The following GRAPL variants were observed in gnomAD, a reference collection of about 807,000 sequenced individuals.
GRAPL encodes the protein GRB2 related adaptor protein like.
intron 3 of GRAPL, among the ~76,000 whole-genome samples, chr17:19,149,817 C>T (rs2044724295): frequency 1.1e-5 from 1 of 93,326 alleles, no homozygotes. Flanking sequence ...TAATCCCAAT[C>T]CCAGCACTTT....
At chr17:19,151,882 C>CTTT (rs1203783656) in intron 3 of GRAPL, among the ~76,000 whole-genome samples, 21 of 62,544 alleles carry the variant, frequency 3.4e-4, no homozygotes, top group East Asian at 2.3e-3. Context: ...CGCCCAGGCT[C>CTTT]TTTTTTTTTT....
At chr17:19,149,348 A>C (rs2044720854) in intron 3 of GRAPL, among the ~76,000 whole-genome samples, 1 of 97,784 alleles carries the variant, frequency 1.0e-5, no homozygotes, top group African/African-American at 6.3e-5. Context: ...AAAAAAAAAA[A>C]AAAAAAAAGA....
intron 3 of GRAPL, among the ~76,000 whole-genome samples, chr17:19,149,934 C>T (rs1451610647): frequency 2.9e-5 from 1 of 34,866 alleles, no homozygotes; most frequent in Non-Finnish European, 3.9e-5. Flanking sequence ...ATTAGCCAGG[C>T]GTGGTGGTGC....
At chr17:19,148,859 G>C (rs1421526530) in intron 3 of GRAPL, among the ~76,000 whole-genome samples, 34 of 117,458 alleles carry the variant, frequency 2.9e-4, no homozygotes, top group Non-Finnish European at 3.6e-4. Flanking sequence ...AGTGAGCCGA[G>C]ATAGCGCCAT....
intron 3 of GRAPL, among the ~76,000 whole-genome samples, chr17:19,144,484 G>A (rs2044687282): frequency 7.1e-6 from 1 of 141,758 alleles, no homozygotes; most frequent in African/African-American, 2.6e-5. Flanking sequence ...TGCTCAGTGA[G>A]AGACTCACAC....
rs921991495 is a variant in GRAPL, at chr17:19,142,861, C to A, written c.299+4273C>A. 3 of 68,562 alleles carry A rather than the reference C, an allele frequency of 4.4e-5. 1 individual carries two copies. The highest frequency in any genetic ancestry group is 6.5e-5 in the Non-Finnish European group (3 of 46,276). The allele number at this position is 68,562 out of a possible 1,614,324, so 4.2% of individuals were successfully genotyped here. On this transcript the variant is annotated intron_variant, in intron 3 of 3. Transcript: ENST00000344415. Reference sequence around the variant, plus strand: ...CGCTGTATAATCCTGGGCAAGTTACCCCTCTGAGCCTCAGTTTCCTCATTT... The same window carrying A: ...CGCTGTATAATCCTGGGCAAGTTACACCTCTGAGCCTCAGTTTCCTCATTT...
chr17:19,141,573 TG>T, intron 3 of GRAPL: 1 of 147,468 alleles, frequency 6.8e-6, no homozygotes, highest in Non-Finnish European at 1.5e-5. Context: ...TTGTGTGTGC[TG>T]GGGGTTTACT....
rs568707817 is a variant in GRAPL at position 19,147,064 on chromosome 17, C to T, written c.299+8476C>T. Reference sequence around the variant, plus strand: ...GTGTGTGTGTGTGCGCGCGCGCGCGCGTGCATGTGTCCCATCAAGGCATCA... The same window carrying T: ...GTGTGTGTGTGTGCGCGCGCGCGCGTGTGCATGTGTCCCATCAAGGCATCA... On this transcript the variant is annotated intron_variant, in intron 3 of 3. Coordinates refer to ENST00000344415, the MANE Select transcript of GRAPL (RefSeq NM_001129778.3). Among the ~76,000 whole-genome samples, 29 of 133,936 alleles carry T rather than the reference C, an allele frequency of 2.2e-4. 2 individuals carry two copies. The South Asian group carries it at 2.9e-3, about 13-fold the overall frequency. The allele number at this position is 133,936 out of a possible 152,430, so 87.9% of individuals were successfully genotyped here.
chr17:19,144,666 GC>G, intron 3 of GRAPL, among the ~76,000 whole-genome samples: 1 of 108,948 alleles, frequency 9.2e-6, no homozygotes, highest in South Asian at 5.4e-4. Flanking sequence ...CAATCCCAGT[GC>G]CCCCTCCCTC....
At chr17:19,149,092 G>GGCCGAGGAGGGT (rs2044717173) in intron 3 of GRAPL, among the ~76,000 whole-genome samples, 1 of 114,808 alleles carries the variant, frequency 8.7e-6, no homozygotes, top group African/African-American at 3.3e-5. Context: ...CACTTTGGGA[G>GGCCGAGGAGGGT]GCCGAGGAGG....
chr17:19,147,050 TGCGCGCGCGC>T (rs202183900), intron 3 of GRAPL, among the ~76,000 whole-genome samples: 1 of 119,654 alleles, frequency 8.4e-6, no homozygotes, highest in Non-Finnish European at 1.6e-5. Context: ...TGTGTGTGTG[TGCGCGCGCGC>T]GCGCGTGCAT....
chr17:19,149,067 C>T (rs1270065696), intron 3 of GRAPL, among the ~76,000 whole-genome samples: 8 of 126,902 alleles, frequency 6.3e-5, no homozygotes, highest in African/African-American at 1.7e-4. Flanking sequence ...CAGTGGCTCA[C>T]GCCTATAATC....
At chr17:19,147,044 TG>T (rs2044698628) in intron 3 of GRAPL, among the ~76,000 whole-genome samples, 1 of 125,234 alleles carries the variant, frequency 8.0e-6, no homozygotes, top group Non-Finnish European at 1.5e-5. Context: ...TGTGTGTGTG[TG>T]TGTGTGCGCG....
chr17:19,149,320 C>A (rs1370813082), intron 3 of GRAPL, among the ~76,000 whole-genome samples: 2 of 69,962 alleles, frequency 2.9e-5, no homozygotes, highest in Non-Finnish European at 4.1e-5. Flanking sequence ...CAGAGCAAGA[C>A]TCTGTCTCAA....
At chr17:19,151,882 C>CT (rs1203783656) in intron 3 of GRAPL, among the ~76,000 whole-genome samples, 5,620 of 62,290 alleles carry the variant, frequency 0.09, 384 homozygotes, top group East Asian at 0.2. Flanking sequence ...CGCCCAGGCT[C>CT]TTTTTTTTTT....
At chr17:19,151,882 C>CTTTT (rs1203783656) in intron 3 of GRAPL, among the ~76,000 whole-genome samples, 2 of 62,550 alleles carry the variant, frequency 3.2e-5, no homozygotes, top group Non-Finnish European at 3.2e-5. Flanking sequence ...CGCCCAGGCT[C>CTTTT]TTTTTTTTTT....
chr17:19,144,104 T>C (rs1401669681), intron 3 of GRAPL: 8 of 91,942 alleles, frequency 8.7e-5, no homozygotes, highest in Non-Finnish European at 1.3e-4. Flanking sequence ...TTTTCACAGA[T>C]GGGCAAACTG....
intron 3 of GRAPL, among the ~76,000 whole-genome samples, chr17:19,151,882 CTTTTTTTTTTTT>C (rs1203783656): frequency 2.6e-4 from 16 of 62,552 alleles, no homozygotes; most frequent in African/African-American, 9.1e-4. Context: ...CGCCCAGGCT[CTTTTTTTTTTTT>C]TTTTTTTTGA....
chr17:19,149,230 T>C (rs1240218415), intron 3 of GRAPL, among the ~76,000 whole-genome samples: 1 of 95,472 alleles, frequency 1.0e-5, no homozygotes, highest in Non-Finnish European at 1.8e-5. Flanking sequence ...CTCAGGAGGC[T>C]GAGGCAGAGA....
Sources: allele counts gnomAD v4.1 joint callset (sites outside exome capture counted in the v4.1 genomes callset), GRCh38; gene constraint gnomAD v4.1.1; transcripts MANE v1.5; gene names NCBI Gene and HGNC (gene_info 2026-07-23, HGNC 2026-07-21).